Variants in ARB2A observed in about 807,000 individuals in gnomAD.
ARB2A encodes ARB2 cotranscriptional regulator A.
At chr5:94,064,731 T>C in the ARB2A span, among the ~76,000 whole-genome samples, 1 of 152,158 alleles carries the variant, frequency 6.6e-6, no homozygotes. Context: ...GGATGCTATA[T>C]CCAGAAAAGT....
chr5:93,747,734 T>A, the ARB2A span, among the ~76,000 whole-genome samples: 2 of 152,106 alleles, frequency 1.3e-5, no homozygotes, highest in African/African-American at 4.8e-5. Context: ...AGCCTGCTCA[T>A]CATTCTATGT....
the ARB2A span, among the ~76,000 whole-genome samples, chr5:93,947,372 T>C: frequency 6.6e-6 from 1 of 152,148 alleles, no homozygotes; most frequent in Non-Finnish European, 1.5e-5. Context: ...AGATAAGTTG[T>C]TTATTTACCC....
chr5:93,866,446 A>C, the ARB2A span, among the ~76,000 whole-genome samples: 179 of 152,250 alleles, frequency 1.2e-3, no homozygotes, highest in African/African-American at 4.1e-3. Flanking sequence ...ATACACCCAC[A>C]CACACACAGA....
the ARB2A span, among the ~76,000 whole-genome samples, chr5:93,918,943 C>T: frequency 6.6e-6 from 1 of 152,140 alleles, no homozygotes; most frequent in East Asian, 1.9e-4. Context: ...TGTAATTAGT[C>T]AAAAGTGAAA....
At chr5:93,664,079 T>C in the ARB2A span, among the ~76,000 whole-genome samples, 683 of 151,996 alleles carry the variant, frequency 4.5e-3, 3 homozygotes, top group Non-Finnish European at 6.5e-3. Flanking sequence ...TTTATTTTTA[T>C]ACTTTTTTAG....
At chr5:93,786,893 A>C in the ARB2A span, among the ~76,000 whole-genome samples, 3 of 152,202 alleles carry the variant, frequency 2.0e-5, no homozygotes, top group Admixed American at 2.0e-4. Flanking sequence ...AAAGCAAGGA[A>C]TGAGTAGAAG....
the ARB2A span, among the ~76,000 whole-genome samples, chr5:93,839,333 C>T: frequency 1.1e-4 from 17 of 152,282 alleles, no homozygotes; most frequent in Admixed American, 1.0e-3. Context: ...TGATTAATCA[C>T]ATCCACTGAT....
chr5:94,053,181 T>C, the ARB2A span: 1 of 1,599,286 alleles, frequency 6.3e-7, no homozygotes, highest in Non-Finnish European at 8.5e-7. Flanking sequence ...CAAGAGGCGG[T>C]TCATCTTTTT....
the ARB2A span, among the ~76,000 whole-genome samples, chr5:93,853,177 CT>C: frequency 2.0e-5 from 3 of 152,054 alleles, no homozygotes; most frequent in Non-Finnish European, 4.4e-5. Flanking sequence ...CTTCACGTCC[CT>C]TGTAAGTTGG....
the ARB2A span, among the ~76,000 whole-genome samples, chr5:93,827,183 A>G: frequency 6.6e-6 from 1 of 152,140 alleles, no homozygotes; most frequent in South Asian, 2.1e-4. Flanking sequence ...TGACTTCCAC[A>G]ATGGTTGAAC....
chr5:93,906,379 CA>C, the ARB2A span, among the ~76,000 whole-genome samples: 1 of 151,276 alleles, frequency 6.6e-6, no homozygotes, highest in Non-Finnish European at 1.5e-5. Context: ...TTTAAACTTT[CA>C]TCTTGGCCAT....
chr5:93,957,131 C>T, the ARB2A span, among the ~76,000 whole-genome samples: 107 of 152,252 alleles, frequency 7.0e-4, no homozygotes, highest in Middle Eastern at 6.8e-3. Flanking sequence ...TGACAAACTT[C>T]CTCCCTCCTG....
the ARB2A span, among the ~76,000 whole-genome samples, chr5:94,089,387 T>C: frequency 6.6e-6 from 1 of 152,170 alleles, no homozygotes; most frequent in Non-Finnish European, 1.5e-5. Flanking sequence ...AATGTCTTTA[T>C]TTTTGTTCCT....
At chr5:93,744,434 C>CAAAAAAAAAAAAAAAAAAAAA in the ARB2A span, among the ~76,000 whole-genome samples, 3 of 14,536 alleles carry the variant, frequency 2.1e-4, 1 homozygote, top group Non-Finnish European at 2.6e-4. Context: ...GACTCAGTCT[C>CAAAAAAAAAAAAAAAAAAAAA]AAAAAAAAAA....
chr5:93,757,396 C>CA, the ARB2A span, among the ~76,000 whole-genome samples: 2 of 152,026 alleles, frequency 1.3e-5, no homozygotes, highest in African/African-American at 4.8e-5. Context: ...AAATTCATCA[C>CA]AAAAAAGTTC....
chr5:93,784,303 AG>A, the ARB2A span: 1 of 808,608 alleles, frequency 1.2e-6, no homozygotes, highest in South Asian at 1.6e-5. Context: ...TGAGGATGGG[AG>A]GTGTTACAGG....
the ARB2A span, among the ~76,000 whole-genome samples, chr5:93,948,665 C>T: frequency 7.2e-5 from 11 of 152,208 alleles, no homozygotes; most frequent in South Asian, 2.3e-3. Context: ...AGTCTTTAAT[C>T]CATCTTGAAT....
the ARB2A span, among the ~76,000 whole-genome samples, chr5:94,026,738 G>C: frequency 6.6e-6 from 1 of 152,240 alleles, no homozygotes; most frequent in Admixed American, 6.5e-5. Context: ...TGGCTTTCAG[G>C]CTTTAAACTG....
chr5:93,805,551 T>A, the ARB2A span: 1 of 985,106 alleles, frequency 1.0e-6, no homozygotes, highest in Non-Finnish European at 1.2e-6. Flanking sequence ...ACAGCAGGCA[T>A]CATACAGCAT....
Sources: gnomAD v4.1 joint callset for allele counts (sites outside exome capture counted in the v4.1 genomes callset) on GRCh38, gnomAD v4.1.1 for gene constraint, MANE v1.5 for transcripts, NCBI Gene and HGNC (gene_info 2026-07-23, HGNC 2026-07-21) for gene names.